SRGAP3: variants seen among roughly 807,000 people sequenced by gnomAD.
SRGAP3 encodes the protein SLIT-ROBO Rho GTPase-activating protein 3.
Under a neutral mutation model 121.1 loss-of-function variants are expected in SRGAP3, and 39 were observed. The ratio of observed to expected loss-of-function variants is 0.32; its 90% CI spans 0.25 to 0.42. The LOEUF (loss-of-function observed/expected upper bound fraction) is 0.42, where lower values mean the gene tolerates loss of function less well. Among genes scored for constraint, SRGAP3 ranks in the 10% least tolerant of loss-of-function variants. The probability of loss-of-function intolerance (pLI) is 1.00; values close to 1 mark genes in which losing one functional copy is unlikely to be tolerated. For missense variants in SRGAP3, 1,213 were observed against 1,470.6 expected, an observed-to-expected ratio of 0.82 and a Z score of 2.86; for synonymous variants, 601 against 570.0, an observed-to-expected ratio of 1.05 and a Z score of -0.77.
intron 2 of SRGAP3, among the ~76,000 whole-genome samples, chr3:9,124,084 G>A (rs561834425): frequency 1.7e-4 from 26 of 152,296 alleles, no homozygotes; most frequent in African/African-American, 6.0e-4. Context: ...AGAAGGTTTT[G>A]TAGCTGGAGG....
chr3:9,013,930 C>T, intron 15 of SRGAP3, 88 bp from the exon 16 acceptor site: 1 of 1,229,982 alleles, frequency 8.1e-7, no homozygotes, highest in Non-Finnish European at 1.2e-6. Flanking sequence ...CTATATCAAC[C>T]CACGTGGATG....
chr3:9,080,200 C>T (rs1282189426), intron 3 of SRGAP3, 113 bp from the exon 4 acceptor site: 3 of 927,424 alleles, frequency 3.2e-6, no homozygotes, highest in East Asian at 2.4e-5. Context: ...AGAAGGGGTA[C>T]AGAAATCAGC....
chr3:9,009,906 G>A (rs1446040693), intron 18 of SRGAP3, among the ~76,000 whole-genome samples: 2 of 152,176 alleles, frequency 1.3e-5, no homozygotes, highest in South Asian at 2.1e-4. Context: ...AAGGACCGAC[G>A]TCTTGTTCAT....
chr3:9,244,194 A>C (rs1953745796), intron 1 of SRGAP3, among the ~76,000 whole-genome samples: 2 of 152,020 alleles, frequency 1.3e-5, no homozygotes, highest in Admixed American at 1.3e-4. Context: ...GGATTTTTTT[A>C]TTTCTTTCTC....
At chr3:9,135,049 T>C (rs1278945952) in intron 1 of SRGAP3, among the ~76,000 whole-genome samples, 1 of 152,196 alleles carries the variant, frequency 6.6e-6, no homozygotes, top group Non-Finnish European at 1.5e-5. Context: ...TGGTACCATA[T>C]TGTCCAACAC....
At chr3:9,151,774 C>G (rs954099288) in intron 1 of SRGAP3, among the ~76,000 whole-genome samples, 2 of 152,108 alleles carry the variant, frequency 1.3e-5, no homozygotes, top group Admixed American at 1.3e-4. Flanking sequence ...CTAGGGGTGG[C>G]CAGCAAGGAG....
intron 10 of SRGAP3, among the ~76,000 whole-genome samples, chr3:9,044,569 G>A (rs1945167327): frequency 6.6e-6 from 1 of 152,156 alleles, no homozygotes; most frequent in Non-Finnish European, 1.5e-5. Flanking sequence ...ACAAGAAACT[G>A]AAACCATGGA....
chr3:8,991,284 C>A (rs1018035558), intron 20 of SRGAP3, among the ~76,000 whole-genome samples: 1 of 152,160 alleles, frequency 6.6e-6, no homozygotes, highest in South Asian at 2.1e-4. Flanking sequence ...GTTACCAGCA[C>A]CCTGCAAGCA....
intron 1 of SRGAP3, among the ~76,000 whole-genome samples, chr3:9,356,662 C>G (rs1439095338): frequency 6.6e-6 from 1 of 151,938 alleles, no homozygotes; most frequent in Non-Finnish European, 1.5e-5. Flanking sequence ...CGTGAGCCAC[C>G]ACGCTCAGCC....
chr3:9,175,523 C>A (rs991846537), intron 1 of SRGAP3, among the ~76,000 whole-genome samples: 4 of 152,188 alleles, frequency 2.6e-5, no homozygotes, highest in African/African-American at 9.7e-5. Flanking sequence ...CCCAGAAGGA[C>A]CCAGCACGGG....
chr3:9,005,853 T>C (rs532495513), intron 18 of SRGAP3, among the ~76,000 whole-genome samples: 1 of 152,294 alleles, frequency 6.6e-6, no homozygotes, highest in South Asian at 2.1e-4. Context: ...AAATTGACCA[T>C]GGTGATGGTT....
intron 1 of SRGAP3, among the ~76,000 whole-genome samples, chr3:9,352,695 C>A (rs1342222717): frequency 6.6e-6 from 1 of 152,208 alleles, no homozygotes; most frequent in Non-Finnish European, 1.5e-5. Context: ...TAGTTAAGAG[C>A]TCTGCAGCTG....
chr3:9,159,953 T>C (rs1950553933), intron 1 of SRGAP3, among the ~76,000 whole-genome samples: 1 of 152,128 alleles, frequency 6.6e-6, no homozygotes, highest in Admixed American at 6.5e-5. Flanking sequence ...TGGACACTCA[T>C]CTCTCCCATC....
At chr3:9,333,144 CTTG>C (rs1955638259) in intron 1 of SRGAP3, among the ~76,000 whole-genome samples, 1 of 152,204 alleles carries the variant, frequency 6.6e-6, no homozygotes, top group Middle Eastern at 3.4e-3. Flanking sequence ...CTTTTTAAAG[CTTG>C]TTATTACTCT....
chr3:9,240,913 T>G (rs1953612601), intron 1 of SRGAP3, among the ~76,000 whole-genome samples: 1 of 152,024 alleles, frequency 6.6e-6, no homozygotes, highest in Admixed American at 6.6e-5. Context: ...TGGCATCAAG[T>G]GCAAACTAGG....
Position 9,125,649 on chromosome 3 carries a change from G to A in SRGAP3, c.68-732C>T, listed in dbSNP as rs542621792. ...AACCAGGGCAACAATTCAAAAGCTG[G>A]AAGCTGGAGTTAAAAATCACAGCTG... is the stretch of plus-strand genomic sequence containing the variant. On this transcript the variant is annotated intron_variant, in intron 1 of 21. Coordinates refer to ENST00000383836, the MANE Select transcript of SRGAP3 (RefSeq NM_014850.4). Among the ~76,000 whole-genome samples the A allele has an allele frequency of 2.5e-4, 38 of 152,344 alleles. No individual in the cohort carries two copies. In the South Asian group the frequency reaches 7.4e-3, roughly 30 times the overall value.
intron 4 of SRGAP3, among the ~76,000 whole-genome samples, chr3:9,072,120 C>T (rs547321418): frequency 6.6e-6 from 1 of 152,302 alleles, no homozygotes; most frequent in East Asian, 1.9e-4. Context: ...CAGTCCTGAT[C>T]CCAACCGGCC....
At chr3:9,025,441 C>T (rs1944146760) in intron 13 of SRGAP3, 103 bp from the exon 14 acceptor site, 2 of 1,242,040 alleles carry the variant, frequency 1.6e-6, no homozygotes, top group Non-Finnish European at 2.3e-6. Context: ...TTGTCTCTTT[C>T]TCCCCCGATC....
At chr3:9,020,069 C>T (rs1943838074) in intron 14 of SRGAP3, among the ~76,000 whole-genome samples, 1 of 152,174 alleles carries the variant, frequency 6.6e-6, no homozygotes, top group African/African-American at 2.4e-5. Flanking sequence ...GACATGGTTC[C>T]AATACCACCA....
Sources: gnomAD v4.1 joint callset for allele counts (sites outside exome capture counted in the v4.1 genomes callset) on GRCh38, gnomAD v4.1.1 for gene constraint, MANE v1.5 for transcripts, NCBI Gene and HGNC (gene_info 2026-07-23, HGNC 2026-07-21) for gene names.